TMC5: variants seen among roughly 807,000 people sequenced by gnomAD.
TMC5 encodes transmembrane channel-like protein 5.
In TMC5, 86 loss-of-function variants were observed where a neutral mutation model predicts 110.5. The observed-to-expected ratio is 0.78, with a 90% CI of 0.65 to 0.93. TMC5 has a LOEUF of 0.93. TMC5 is among the 40% of genes least tolerant of loss of function. The pLI, the probability that TMC5 is intolerant of heterozygous loss-of-function variation, is 0.00. For synonymous variants in TMC5, 455 were observed against 439.5 expected (o/e 1.04, Z -0.44); for missense variants, 1,144 against 1,222.8 (o/e 0.94, Z 0.96).
upstream of TMC5, among the ~76,000 whole-genome samples, chr16:19,415,007 A>T (rs1966869747): frequency 6.6e-6 from 1 of 152,174 alleles, no homozygotes; most frequent in Non-Finnish European, 1.5e-5. Context: ...TCTATCTCTA[A>T]AAAAGAAAAA....
intron 5 of TMC5, among the ~76,000 whole-genome samples, chr16:19,457,202 C>T (rs1210346569): frequency 1.3e-5 from 2 of 152,062 alleles, no homozygotes; most frequent in Non-Finnish European, 2.9e-5. Context: ...CTAGCCTGGG[C>T]AACAAAGGGA....
At chr16:19,477,605 C>A in intron 13 of TMC5, 87 bp downstream of exon 13, 1 of 910,084 alleles carries the variant, frequency 1.1e-6, no homozygotes, top group Non-Finnish European at 1.7e-6. Flanking sequence ...AGCCATCACA[C>A]TCCGTATTTG....
At chr16:19,456,892 T>G in intron 5 of TMC5, 2 of 1,614,194 alleles carry the variant, frequency 1.2e-6, no homozygotes, top group African/African-American at 2.7e-5. Flanking sequence ...GCAAAAGGAA[T>G]GACCAAAAGG....
chr16:19,481,904 G>GAGAC (rs1285360363), intron 15 of TMC5, among the ~76,000 whole-genome samples: 1 of 152,054 alleles, frequency 6.6e-6, no homozygotes, highest in Non-Finnish European at 1.5e-5. Flanking sequence ...CAAGGCCTGA[G>GAGAC]AGACCCCTTG....
intron 7 of TMC5, 41 bp downstream of exon 7, chr16:19,463,408 G>A (rs751921608): frequency 1.4e-6 from 2 of 1,471,026 alleles, no homozygotes; most frequent in African/African-American, 2.8e-5. Flanking sequence ...GTGAAAACAG[G>A]GAGGGAGGAG....
intron 5 of TMC5, among the ~76,000 whole-genome samples, chr16:19,454,379 C>T (rs950361132): frequency 6.6e-6 from 1 of 152,164 alleles, no homozygotes; most frequent in African/African-American, 2.4e-5. Flanking sequence ...CCTCTTGTTA[C>T]AGGAAGGGGC....
rs1480493103 is a variant in TMC5, at chr16:19,472,162, C to G, written c.1857C>G (p.Tyr619Ter). 5.0e-6 allele frequency: 8 copies of G among 1,614,126 alleles called. No homozygotes were observed. Among genetic ancestry groups the G allele is most frequent in the Non-Finnish European group, 5.9e-6 (7 of 1,180,058 alleles). Residue 619 changes from tyrosine to a stop codon, truncating the protein, a stop_gained, in exon 11 of 22, where the codon TAC (tyrosine) becomes TAG (stop). Coordinates refer to ENST00000542583, the MANE Select transcript of TMC5 (RefSeq NM_001261841.2). LOFTEE classifies it high-confidence loss of function. ...AGCTGCTGACCCGCTTCTCTGCCTA[C>G]ATGGTAGCCTGGGTTGTCTCTACAG... ...FNQLLTRFSA[Y>*]MVAWVVSTGV... is the part of the protein sequence containing the mutation.
chr16:19,469,379 G>A (rs948335747), intron 9 of TMC5, among the ~76,000 whole-genome samples: 1 of 151,848 alleles, frequency 6.6e-6, no homozygotes, highest in Admixed American at 6.6e-5. Context: ...AATTCTGTGA[G>A]GTGAGTTTTA....
At chr16:19,431,714 A>G (rs377012365) in intron 2 of TMC5, among the ~76,000 whole-genome samples, 2 of 152,222 alleles carry the variant, frequency 1.3e-5, no homozygotes, top group East Asian at 3.9e-4. Context: ...AATGGCCTCA[A>G]TTAGAAAAAT....
At chr16:19,419,554 G>A (rs780418784) in intron 1 of TMC5, among the ~76,000 whole-genome samples, 7 of 151,222 alleles carry the variant, frequency 4.6e-5, no homozygotes, top group Non-Finnish European at 7.4e-5. Context: ...CTGGGACTAC[G>A]GGCGCCTGCC....
At chr16:19,457,002 A>G (rs761775805) in intron 5 of TMC5, 4 of 1,610,858 alleles carry the variant, frequency 2.5e-6, no homozygotes, top group Admixed American at 1.7e-5. Context: ...GGTTCTTCAC[A>G]TGAAACTGTT....
intron 4 of TMC5, among the ~76,000 whole-genome samples, chr16:19,445,191 G>T (rs1244723149): frequency 6.6e-6 from 1 of 151,856 alleles, no homozygotes; most frequent in Non-Finnish European, 1.5e-5. Flanking sequence ...GAAAAATCAT[G>T]TTGTCCTCAT....
At chr16:19,434,998 G>T (rs1031795894) in intron 2 of TMC5, among the ~76,000 whole-genome samples, 1 of 152,036 alleles carries the variant, frequency 6.6e-6, no homozygotes, top group African/African-American at 2.4e-5. Flanking sequence ...TTCCATTCAG[G>T]TAACGTATAT....
chr16:19,416,106 G>C (rs1309147031), upstream of TMC5, among the ~76,000 whole-genome samples: 1 of 151,524 alleles, frequency 6.6e-6, no homozygotes, highest in African/African-American at 2.4e-5. Flanking sequence ...GATTGCTTGA[G>C]CCCAACAGTC....
At chr16:19,474,617 C>A in intron 12 of TMC5, 1 of 242,718 alleles carries the variant, frequency 4.1e-6, no homozygotes, top group Non-Finnish European at 8.1e-6. Flanking sequence ...TTTGAGCTTA[C>A]CTATGATTGC....
intron 18 of TMC5, among the ~76,000 whole-genome samples, chr16:19,491,051 C>T (rs1170639773): frequency 6.7e-6 from 1 of 150,082 alleles, no homozygotes; most frequent in Non-Finnish European, 1.5e-5. Flanking sequence ...TGATCTCTCA[C>T]TCAGGCTAGA....
At chr16:19,449,474 C>G in intron 4 of TMC5, 68 bp from the exon 5 acceptor site, 1 of 1,325,928 alleles carries the variant, frequency 7.5e-7, no homozygotes, top group Non-Finnish European at 1.1e-6. Flanking sequence ...CACATCATAA[C>G]TATTGCATGC....
chr16:19,417,523 A>G (rs1966887630), upstream of TMC5, among the ~76,000 whole-genome samples: 1 of 151,202 alleles, frequency 6.6e-6, no homozygotes, highest in Admixed American at 6.6e-5. Flanking sequence ...CTCTTCCCAC[A>G]CCACCTCACA....
chr16:19,419,503 C>A (rs769845857), intron 1 of TMC5, among the ~76,000 whole-genome samples: 1 of 148,422 alleles, frequency 6.7e-6, no homozygotes, highest in Non-Finnish European at 1.5e-5. Flanking sequence ...AGCTCCGCCT[C>A]CCAGGTTCAC....
Sources: gnomAD v4.1 joint callset for allele counts (sites outside exome capture counted in the v4.1 genomes callset) on GRCh38, gnomAD v4.1.1 for gene constraint, MANE v1.5 for transcripts, NCBI Gene and HGNC (gene_info 2026-07-23, HGNC 2026-07-21) for gene names.